The following NR2F1-AS1 variants were observed in gnomAD, a reference collection of about 807,000 sequenced individuals.
The protein encoded by NR2F1-AS1 is NR2F1 regulatory antisense RNA 1, also known as NR2F1 antisense RNA 1.
intron 4 of NR2F1-AS1, among the ~76,000 whole-genome samples, chr5:93,490,381 T>G (rs1750809701): frequency 2.0e-5 from 3 of 152,168 alleles, no homozygotes; most frequent in African/African-American, 7.2e-5. Flanking sequence ...GAAATCCATA[T>G]GGATGAGAAG....
intron 4 of NR2F1-AS1, among the ~76,000 whole-genome samples, chr5:93,425,672 T>C (rs1749180597): frequency 6.6e-6 from 1 of 152,186 alleles, no homozygotes; most frequent in Admixed American, 6.5e-5. Flanking sequence ...GAAATTCTTA[T>C]TGCTTGTCCT....
chr5:93,550,451 T>C (rs922732928), intron 4 of NR2F1-AS1, among the ~76,000 whole-genome samples: 2 of 152,222 alleles, frequency 1.3e-5, no homozygotes, highest in Non-Finnish European at 2.9e-5. Flanking sequence ...TAGGGAAAAC[T>C]ACATTTCCTT....
chr5:93,476,469 TAAAAG>T (rs1361587006), intron 4 of NR2F1-AS1, among the ~76,000 whole-genome samples: 3 of 152,182 alleles, frequency 2.0e-5, no homozygotes, highest in Non-Finnish European at 4.4e-5. Context: ...AGACCCTAAT[TAAAAG>T]AATTCTGTTC....
intron 4 of NR2F1-AS1, among the ~76,000 whole-genome samples, chr5:93,509,347 G>A (rs1331797865): frequency 2.0e-5 from 3 of 152,046 alleles, no homozygotes; most frequent in East Asian, 1.9e-4. Flanking sequence ...AGCCTCTAGC[G>A]ATATGTGGAT....
intron 4 of NR2F1-AS1, among the ~76,000 whole-genome samples, chr5:93,485,723 G>A (rs1417815284): frequency 4.6e-5 from 7 of 152,190 alleles, no homozygotes; most frequent in Admixed American, 3.3e-4. Flanking sequence ...CAGGGATCTA[G>A]AACTAGAAAT....
At chr5:93,482,575 T>C (rs1750623804) in intron 4 of NR2F1-AS1, among the ~76,000 whole-genome samples, 1 of 151,848 alleles carries the variant, frequency 6.6e-6, no homozygotes, top group Non-Finnish European at 1.5e-5. Context: ...TATACCCCAG[T>C]GGAGCCTGGA....
intron 2 of NR2F1-AS1, among the ~76,000 whole-genome samples, chr5:93,558,672 G>T (rs1752418784): frequency 6.6e-6 from 1 of 152,112 alleles, no homozygotes. Flanking sequence ...ATTACTCCTT[G>T]ATCTATGGGC....
At chr5:93,437,406 T>C (rs1749459345) in intron 4 of NR2F1-AS1, among the ~76,000 whole-genome samples, 1 of 152,232 alleles carries the variant, frequency 6.6e-6, no homozygotes, top group Admixed American at 6.5e-5. Flanking sequence ...TTCACTTGCT[T>C]CCTTTTAGGT....
chr5:93,470,470 C>T (rs1228352509), intron 4 of NR2F1-AS1, among the ~76,000 whole-genome samples: 1 of 151,778 alleles, frequency 6.6e-6, no homozygotes, highest in Non-Finnish European at 1.5e-5. Flanking sequence ...GTACTAAATG[C>T]AGCTAACCAA....
chr5:93,410,560 C>T (rs1368462228), intron 4 of NR2F1-AS1: 1 of 152,186 alleles, frequency 6.6e-6, no homozygotes, highest in Non-Finnish European at 1.5e-5. Flanking sequence ...CTAGGCTGCG[C>T]ACTCGTTATG....
intron 1 of NR2F1-AS1, among the ~76,000 whole-genome samples, chr5:93,575,712 CTTAA>C (rs2149932280): frequency 6.6e-6 from 1 of 152,082 alleles, no homozygotes; most frequent in East Asian, 1.9e-4. Flanking sequence ...CCATTGTGTT[CTTAA>C]TTGTTTGCTT....
chr5:93,562,039 A>T lies in NR2F1-AS1; in HGVS notation n.413+1325T>A, dbSNP rs1042386851. On this transcript the variant is annotated intron_variant and non_coding_transcript_variant, in intron 2 of 5. Coordinates refer to ENST00000660523, the Ensembl canonical transcript of NR2F1-AS1. ...TAAGAAAAACTCTAAGATTTTTTTT[A>T]AGTACTGATTTAAAGTTAGCAAACA... Among the ~76,000 whole-genome samples the T allele has an allele frequency of 4.0e-5, 6 of 151,460 alleles. No individual in the cohort carries two copies. The South Asian group carries it at 6.3e-4, about 16-fold the overall frequency.
intron 4 of NR2F1-AS1, among the ~76,000 whole-genome samples, chr5:93,530,557 C>G (rs1485052258): frequency 6.6e-6 from 1 of 152,156 alleles, no homozygotes; most frequent in East Asian, 1.9e-4. Flanking sequence ...CCAATGGTAA[C>G]AACCTTACTA....
intron 4 of NR2F1-AS1, among the ~76,000 whole-genome samples, chr5:93,423,880 G>A (rs752014651): frequency 9.2e-5 from 14 of 151,940 alleles, no homozygotes; most frequent in African/African-American, 2.9e-4. Flanking sequence ...TAAAATTATC[G>A]TCTCTTAGGA....
chr5:93,512,664 T>C (rs563379741), intron 4 of NR2F1-AS1, among the ~76,000 whole-genome samples: 36 of 152,288 alleles, frequency 2.4e-4, no homozygotes, highest in African/African-American at 8.7e-4. Flanking sequence ...AAGTGCCCTA[T>C]ATAGGTGTAC....
chr5:93,576,480 G>A (rs1404178514), intron 1 of NR2F1-AS1, among the ~76,000 whole-genome samples: 1 of 149,576 alleles, frequency 6.7e-6, no homozygotes, highest in East Asian at 2.0e-4. Context: ...TCTCCTCAAC[G>A]ATGGAGGACA....
At chr5:93,454,283 C>T (rs1295367108) in intron 4 of NR2F1-AS1, among the ~76,000 whole-genome samples, 1 of 152,034 alleles carries the variant, frequency 6.6e-6, no homozygotes, top group Non-Finnish European at 1.5e-5. Flanking sequence ...GAGGGAAACC[C>T]TGTCTCATAA....
intron 4 of NR2F1-AS1, among the ~76,000 whole-genome samples, chr5:93,490,422 TG>T: frequency 6.6e-6 from 1 of 152,170 alleles, no homozygotes; most frequent in East Asian, 1.9e-4. Flanking sequence ...GTGGTGGTGG[TG>T]GTGGTCATGG....
chr5:93,474,088 T>A (rs1437979445), intron 4 of NR2F1-AS1, among the ~76,000 whole-genome samples: 1 of 152,138 alleles, frequency 6.6e-6, no homozygotes, highest in Non-Finnish European at 1.5e-5. Context: ...ATTAACTAAA[T>A]CAGTTGAGTT....
Sources: gnomAD v4.1 joint callset for allele counts (sites outside exome capture counted in the v4.1 genomes callset) on GRCh38, gnomAD v4.1.1 for gene constraint, MANE v1.5 for transcripts, NCBI Gene and HGNC (gene_info 2026-07-23, HGNC 2026-07-21) for gene names.